MED13L: variants seen among roughly 807,000 people sequenced by gnomAD.
The protein encoded by MED13L is mediator of RNA polymerase II transcription subunit 13-like.
Under a neutral mutation model 220.9 loss-of-function variants are expected in MED13L, and 7 were observed. The observed-to-expected ratio is 0.03, with a 90% CI of 0.02 to 0.06. MED13L has a LOEUF of 0.06. Among genes scored for constraint, MED13L ranks in the 10% least tolerant of loss-of-function variants. The pLI is 1.00. For missense variants in MED13L, 1,965 were observed against 2,760.5 expected, an observed-to-expected ratio of 0.71 and a Z score of 6.46; for synonymous variants, 1,011 against 1,015.2, an observed-to-expected ratio of 1.00 and a Z score of 0.08.
chr12:116,201,804 T>C (rs1882021999), intron 2 of MED13L, among the ~76,000 whole-genome samples: 1 of 152,170 alleles, frequency 6.6e-6, no homozygotes. Flanking sequence ...TTTCCAACAT[T>C]ACAAATATGT....
At chr12:116,234,300 C>A (rs930659390) in intron 2 of MED13L, among the ~76,000 whole-genome samples, 4 of 151,570 alleles carry the variant, frequency 2.6e-5, no homozygotes, top group South Asian at 4.2e-4. Context: ...TGATCTCAGC[C>A]CACTGTAACC....
At chr12:116,137,321 T>C (rs545666324) in intron 2 of MED13L, among the ~76,000 whole-genome samples, 1 of 152,294 alleles carries the variant, frequency 6.6e-6, no homozygotes, top group South Asian at 2.1e-4. Context: ...TGTGTTCCAA[T>C]AACATAATTC....
At chr12:116,052,247 A>G (rs1466260448) in intron 4 of MED13L, among the ~76,000 whole-genome samples, 1 of 152,202 alleles carries the variant, frequency 6.6e-6, no homozygotes, top group Non-Finnish European at 1.5e-5. Flanking sequence ...TGTTAGCTCA[A>G]AGACATGACC....
Position 115,991,196 on chromosome 12 carries a change from G to A in MED13L, c.3758C>T (p.Thr1253Ile), listed in dbSNP as rs148416895. The A allele has an allele frequency of 6.7e-4, 1,086 of 1,614,216 alleles. 5 individuals carry two copies. The highest frequency in any genetic ancestry group is 2.7e-3 in the South Asian group (248 of 91,086). ...LDYISSNNRQ[T>I]LPCVSWSYDR... ...ATAACTCCAGCTTACACAGGGAAGA[G>A]TTTGGCGATTGTTAGAGGAAATGTA... Residue 1253 changes from threonine (T) to isoleucine (I), a missense_variant, in exon 17 of 31, where the codon ACT (threonine) becomes ATT (isoleucine). Physicochemically the swap from Thr to Ile is moderately conservative, Grantham distance 89. This residue lies in a region of MED13L where 165 missense variants were observed against 190.8 expected (regional missense o/e 0.86). Coordinates refer to ENST00000281928, the MANE Select transcript of MED13L (RefSeq NM_015335.5). This position sits in a 1 kb window ranked among gnomAD's most constrained non-coding sequence, Gnocchi z 7.7.
At chr12:116,112,302 A>C (rs942374949) in intron 2 of MED13L, among the ~76,000 whole-genome samples, 1 of 152,226 alleles carries the variant, frequency 6.6e-6, no homozygotes, top group Non-Finnish European at 1.5e-5. Context: ...AAAAATTGGA[A>C]GGATGAAAAC....
At chr12:116,157,339 G>A (rs779382408) in intron 2 of MED13L, among the ~76,000 whole-genome samples, 6 of 152,092 alleles carry the variant, frequency 3.9e-5, no homozygotes, top group Non-Finnish European at 5.9e-5. Flanking sequence ...TAAACTGTCT[G>A]AGGACAGGGA....
intron 2 of MED13L, among the ~76,000 whole-genome samples, chr12:116,163,772 A>T (rs1474556625): frequency 1.3e-5 from 2 of 152,308 alleles, no homozygotes; most frequent in East Asian, 3.9e-4. Flanking sequence ...ATTAAGCTGA[A>T]ATTGCGTTTT....
intron 2 of MED13L, among the ~76,000 whole-genome samples, chr12:116,127,520 C>T (rs567513101): frequency 4.6e-5 from 7 of 152,194 alleles, no homozygotes; most frequent in Admixed American, 4.6e-4. Context: ...ACTACTCTAA[C>T]TAAAATATAG....
rs145189383 is a variant in MED13L, at chr12:116,268,231, T to C, written c.72+8829A>G. On this transcript the variant is annotated intron_variant, in intron 1 of 30. Transcript: ENST00000281928. ...CCTGTGGTGGTCAGAGGAGGTAACA[T>C]TTGAACTTCTTAAGTAGCATTGTGC... is the stretch of plus-strand genomic sequence containing the variant. Among the ~76,000 whole-genome samples the C allele has an allele frequency of 2.0e-4, 31 of 152,310 alleles. No homozygotes were observed. The East Asian group carries it at 5.8e-3, about 28-fold the overall frequency.
Position 115,998,251 on chromosome 12 carries a change from G to A in MED13L, c.2570-1021C>T, listed in dbSNP as rs145335629. On this transcript the variant is annotated intron_variant, in intron 14 of 30. Transcript: ENST00000281928. The stretch of plus-strand genomic sequence containing the variant: ...GTAGTTGTAAAATTTGGCCACTAGG[G>A]GGTGGCCTATGCAGCAAATTTTTTA... Among the ~76,000 whole-genome samples, 93 of 152,280 alleles carry A rather than the reference G, an allele frequency of 6.1e-4. No homozygotes were observed. In the Middle Eastern group the frequency reaches 0.014, roughly 22 times the overall value.
At chr12:116,218,200 G>A (rs1036045612) in intron 2 of MED13L, among the ~76,000 whole-genome samples, 61 of 152,134 alleles carry the variant, frequency 4.0e-4, no homozygotes, top group African/African-American at 1.4e-3. Context: ...AGTTTACTTC[G>A]TATAATACTT....
intron 2 of MED13L, among the ~76,000 whole-genome samples, chr12:116,236,005 A>G (rs886772876): frequency 2.0e-5 from 3 of 152,198 alleles, no homozygotes; most frequent in Non-Finnish European, 4.4e-5. Context: ...CTACATAGGG[A>G]AAAAAAGTAA....
Position 116,039,114 on chromosome 12 carries a change from C to G in MED13L, c.480-16513G>C, listed in dbSNP as rs1266564499. Among the ~76,000 whole-genome samples, 4 of 152,192 alleles carry G rather than the reference C, an allele frequency of 2.6e-5. No individual in the cohort carries two copies. In the South Asian group the frequency reaches 8.3e-4, roughly 31 times the overall value. On this transcript the variant is annotated intron_variant, in intron 4 of 30. Coordinates refer to ENST00000281928, the MANE Select transcript of MED13L (RefSeq NM_015335.5). The stretch of plus-strand genomic sequence containing the variant: ...TATAACATAAAATTATTTTCTGTGT[C>G]TATTCACCGTAATGATTCTAGTTAT...
intron 2 of MED13L, among the ~76,000 whole-genome samples, chr12:116,120,475 T>TCA (rs1280509373): frequency 0.013 from 1,172 of 91,586 alleles, 7 homozygotes; most frequent in African/African-American, 0.025. Flanking sequence ...TCTCTCTCTC[T>TCA]CTCACACACA....
chr12:115,972,412 C>T (rs1876650868), intron 25 of MED13L, 176 bp from the exon 26 acceptor site: 1 of 728,340 alleles, frequency 1.4e-6, no homozygotes, highest in Non-Finnish European at 2.3e-6. Context: ...ACTTCTATTA[C>T]ACTTCATTAA....
intron 1 of MED13L, among the ~76,000 whole-genome samples, chr12:116,275,380 A>G (rs1004631024): frequency 6.6e-6 from 1 of 152,218 alleles, no homozygotes; most frequent in Non-Finnish European, 1.5e-5. Context: ...GAATTTTAAG[A>G]TTAAATATCT....
chr12:116,015,477 T>C (rs1010212455), intron 7 of MED13L, among the ~76,000 whole-genome samples: 3 of 152,246 alleles, frequency 2.0e-5, no homozygotes, highest in African/African-American at 7.2e-5. Flanking sequence ...GAACTCTGTC[T>C]GTATGATTCT....
intron 2 of MED13L, among the ~76,000 whole-genome samples, chr12:116,214,977 T>C (rs1882910300): frequency 6.6e-6 from 1 of 152,172 alleles, no homozygotes; most frequent in Non-Finnish European, 1.5e-5. Context: ...TATATCCTAA[T>C]GTTCAGGGCA....
Position 116,009,083 on chromosome 12 carries a change from C to T in MED13L, c.1330G>A (p.Val444Ile). 1.2e-6 allele frequency: 2 copies of T among 1,614,054 alleles called. No individual in the cohort carries two copies. Among genetic ancestry groups the T allele is most frequent in the East Asian group, 2.2e-5 (1 of 44,864 alleles). The change falls in exon 10 of 31, where the codon GTA becomes ATA. Residue 444 changes from valine (V) to isoleucine (I), a missense_variant. Coordinates refer to ENST00000281928, the MANE Select transcript of MED13L (RefSeq NM_015335.5). ...CAVGPNRPPT[V>I]SQPGFSAGPS... ...CCTGCACTGAACCCTGGTTGAGATA[C>T]TGTGGGAGGTCGATTGGGCCCGACT...
Sources: allele counts gnomAD v4.1 joint callset (sites outside exome capture counted in the v4.1 genomes callset), GRCh38; gene constraint gnomAD v4.1.1; regional missense constraint gnomAD v4.1.1; non-coding constraint Gnocchi (gnomAD v3.1); transcripts MANE v1.5; gene names NCBI Gene and HGNC (gene_info 2026-07-23, HGNC 2026-07-21).